The following SIRPD variants were observed in gnomAD, a reference collection of about 807,000 sequenced individuals.
SIRPD encodes the protein signal regulatory protein delta, also known as signal-regulatory protein delta.
SIRPD carries 21 observed loss-of-function variants against 18.0 expected under a neutral mutation model. The ratio of observed to expected loss-of-function variants is 1.17; its 90% confidence interval spans 0.83 to 1.68. The LOEUF is 1.68. SIRPD is among the 40% of genes most tolerant of loss of function. The pLI, the probability that SIRPD is intolerant of heterozygous loss-of-function variation, is 0.00. For synonymous variants in SIRPD, 106 were observed against 92.9 expected, an observed-to-expected ratio of 1.14 and a Z score of -0.81; for missense variants, 295 against 238.4, an observed-to-expected ratio of 1.24 and a Z score of -1.56.
intron 3 of SIRPD, 27 bp downstream of exon 3, chr20:1,537,128 A>G (rs773563235): frequency 1.9e-6 from 3 of 1,609,130 alleles, no homozygotes; most frequent in Non-Finnish European, 2.5e-6. Flanking sequence ...TCCCTGCATC[A>G]TGGTACCTGA....
rs1320583343 is a variant in SIRPD at position 1,551,854 on chromosome 20, T to C, written c.258A>G (p.Val86=). ...YNFKQGNFPR[V]KEIGDTTKPG... is the part of the protein sequence containing the mutation. ...GCTTGGTGGTGTCTCCAATCTCTTT[T>C]ACTCTGGGAAAGTTACCTTGTTTGA... Residue 86 remains valine, a synonymous_variant, in exon 2 of 4, where the codon GTA becomes GTG. Coordinates refer to ENST00000381623, the MANE Select transcript of SIRPD (RefSeq NM_178460.3). 5.0e-6 allele frequency: 8 copies of C among 1,613,994 alleles called. No individual in the cohort carries two copies. In the Admixed American group the frequency reaches 1.2e-4, roughly 24 times the overall value.
chr20:1,550,562 G>A (rs2091014338), intron 2 of SIRPD, among the ~76,000 whole-genome samples: 1 of 152,192 alleles, frequency 6.6e-6, no homozygotes, highest in Non-Finnish European at 1.5e-5. Context: ...TTAGTCCCTG[G>A]TTCCAAAAGT....
intron 1 of SIRPD, among the ~76,000 whole-genome samples, chr20:1,553,425 G>A (rs559994790): frequency 1.3e-5 from 2 of 152,186 alleles, no homozygotes; most frequent in Non-Finnish European, 1.5e-5. Flanking sequence ...TTTGGCCCAG[G>A]AGATACTGGG....
rs564101376 is a variant in SIRPD, at chr20:1,547,248, T to A, written c.421+4443A>T. 1.7e-4 allele frequency among the ~76,000 whole-genome samples: 26 copies of A among 152,342 alleles called. No individual in the cohort carries two copies. The Middle Eastern group carries it at 0.024, about 140-fold the overall frequency. On this transcript the variant is annotated intron_variant, in intron 2 of 3. Coordinates refer to ENST00000381623, the MANE Select transcript of SIRPD (RefSeq NM_178460.3). ...GTGTGGCTATCCAGTTGTTTCAGCA[T>A]TATTTGTTGAAAAGATGCTTCTTTC...
intron 1 of SIRPD, among the ~76,000 whole-genome samples, chr20:1,555,926 G>A (rs1445940847): frequency 1.3e-5 from 2 of 152,178 alleles, no homozygotes; most frequent in African/African-American, 4.8e-5. Flanking sequence ...GGTTTGACTG[G>A]GGAAGTGTTC....
intron 2 of SIRPD, among the ~76,000 whole-genome samples, chr20:1,550,905 T>C (rs1568669902): frequency 6.6e-6 from 1 of 152,218 alleles, no homozygotes; most frequent in Admixed American, 6.5e-5. Flanking sequence ...ACCAATTTAA[T>C]AATTTCTCAG....
At chr20:1,544,945 C>T (rs2123130968) in intron 2 of SIRPD, among the ~76,000 whole-genome samples, 1 of 152,288 alleles carries the variant, frequency 6.6e-6, no homozygotes, top group South Asian at 2.1e-4. Flanking sequence ...TGTTGGTCCT[C>T]ACTCTCTTCT....
At chr20:1,545,718 G>A (rs1031480479) in intron 2 of SIRPD, among the ~76,000 whole-genome samples, 2 of 152,172 alleles carry the variant, frequency 1.3e-5, no homozygotes, top group African/African-American at 4.8e-5. Context: ...GGAGTTTTCA[G>A]CTTTTTTGCG....
intron 2 of SIRPD, among the ~76,000 whole-genome samples, chr20:1,544,531 T>G (rs2090985606): frequency 6.6e-6 from 1 of 152,038 alleles, no homozygotes; most frequent in Non-Finnish European, 1.5e-5. Context: ...GAGATGGGTC[T>G]CCTGAATACA....
At chr20:1,546,893 A>G (rs1250920075) in intron 2 of SIRPD, among the ~76,000 whole-genome samples, 1 of 152,220 alleles carries the variant, frequency 6.6e-6, no homozygotes, top group African/African-American at 2.4e-5. Context: ...CTTTGGAGAA[A>G]TTCTTTATAT....
Position 1,537,232 on chromosome 20 carries a change from A to C in SIRPD, c.500T>G (p.Leu167Arg). The C allele has an allele frequency of 6.2e-7, 1 of 1,614,108 alleles. No homozygotes were observed. Among genetic ancestry groups the C allele is most frequent in the Non-Finnish European group, 8.5e-7 (1 of 1,180,014 alleles). ...SRAHHDAHTC[L>R]SALPERNSTN... ...GCTGTTTCTCTCAGGCAGGGCCGAG[A>C]GGCAGGTATGGGCATCATGGTGGGC... is the stretch of plus-strand genomic sequence containing the variant. The change falls in exon 3 of 4, where the codon CTC becomes CGC. Residue 167 changes from leucine (L) to arginine (R), a missense_variant. Transcript: ENST00000381623.
In SIRPD at chr20:1,556,330, T is replaced by C. The variant is rs2123159604; in HGVS notation, c.73+1251A>G. On this transcript the variant is annotated intron_variant, in intron 1 of 3. Transcript: ENST00000381623. ...TCTTAAGTTAGCTTTTACCTAAATA[T>C]TTTTAGTCATCCTTAACTCTCCATT... is the stretch of plus-strand genomic sequence containing the variant. Among the ~76,000 whole-genome samples, 3 of 152,336 alleles carry C rather than the reference T, an allele frequency of 2.0e-5. No individual in the cohort carries two copies. In the South Asian group the frequency reaches 6.2e-4, roughly 32 times the overall value.
At chr20:1,537,102 C>T in intron 3 of SIRPD, 53 bp downstream of exon 3, 1 of 1,583,754 alleles carries the variant, frequency 6.3e-7, no homozygotes, top group Non-Finnish European at 8.6e-7. Context: ...GTACCGCCGC[C>T]AAACTCAGGA....
chr20:1,548,566 T>C (rs558871354), intron 2 of SIRPD, among the ~76,000 whole-genome samples: 1 of 152,266 alleles, frequency 6.6e-6, no homozygotes, highest in African/African-American at 2.4e-5. Context: ...ATTTGATCTG[T>C]GTTTTTTTCT....
intron 2 of SIRPD, 40 bp downstream of exon 2, chr20:1,551,651 T>G (rs755171512): frequency 6.8e-7 from 1 of 1,461,944 alleles, no homozygotes; most frequent in East Asian, 2.3e-5. Flanking sequence ...TGAGATGATA[T>G]TATACACCAG....
intron 1 of SIRPD, 24 bp from the exon 2 acceptor site, chr20:1,552,062 T>C (rs1435102234): frequency 6.3e-7 from 1 of 1,595,574 alleles, no homozygotes; most frequent in African/African-American, 1.3e-5. Flanking sequence ...GAAAATCATT[T>C]CTCATTTCCC....
intron 2 of SIRPD, among the ~76,000 whole-genome samples, chr20:1,539,570 T>C (rs1036215202): frequency 8.5e-5 from 13 of 152,364 alleles, no homozygotes; most frequent in African/African-American, 3.1e-4. Context: ...ACTGCTGTGG[T>C]AGTCAGCCTT....
rs199815385 is a variant in SIRPD, at chr20:1,551,849, T to C, written c.263A>G (p.Glu88Gly). Residue 88 changes from glutamate to glycine, a missense_variant, in exon 2 of 4, where the codon GAG (glutamate) becomes GGG (glycine). Glu to Gly is a moderately conservative substitution (Grantham distance 98). Coordinates refer to ENST00000381623, the MANE Select transcript of SIRPD (RefSeq NM_178460.3). ...GCCAGGCTTGGTGGTGTCTCCAATCTCTTTTACTCTGGGAAAGTTACCTTG... is the reference window on the plus strand; with the variant it reads ...GCCAGGCTTGGTGGTGTCTCCAATCCCTTTTACTCTGGGAAAGTTACCTTG... ...FKQGNFPRVKEIGDTTKPGNT... is the reference protein window; with the variant it reads ...FKQGNFPRVKGIGDTTKPGNT... 1.1e-5 allele frequency: 17 copies of C among 1,613,978 alleles called. No homozygotes were observed. The highest frequency in any genetic ancestry group is 1.3e-5 in the Non-Finnish European group (15 of 1,179,998).
chr20:1,556,685 G>A (rs1348170160), intron 1 of SIRPD, among the ~76,000 whole-genome samples: 3 of 152,218 alleles, frequency 2.0e-5, no homozygotes, highest in Admixed American at 2.0e-4. Flanking sequence ...AAGATGATGT[G>A]AGGATACAGG....
Sources: allele counts gnomAD v4.1 joint callset (sites outside exome capture counted in the v4.1 genomes callset), GRCh38; gene constraint gnomAD v4.1.1; transcripts MANE v1.5; gene names NCBI Gene and HGNC (gene_info 2026-07-23, HGNC 2026-07-21).